DNAH14: variants seen among roughly 807,000 people sequenced by gnomAD.
DNAH14 encodes axonemal beta dynein heavy chain 14.
In DNAH14, 478 loss-of-function variants were observed where a neutral mutation model predicts 520.9. The ratio of observed to expected loss-of-function variants is 0.92; its 90% CI spans 0.85 to 0.99. DNAH14 has a LOEUF of 0.99. DNAH14 is among the 50% of genes least tolerant of loss of function. The pLI, the probability that DNAH14 is intolerant of heterozygous loss-of-function variation, is 0.00. For synonymous variants in DNAH14, 1,581 were observed against 1,757.2 expected, an observed-to-expected ratio of 0.90 and a Z score of 2.51; for missense variants, 4,831 against 5,234.5, an observed-to-expected ratio of 0.92 and a Z score of 2.38.
In DNAH14 at chr1:224,987,438, C is replaced by T. The variant is rs189101508; in HGVS notation, c.830+13285C>T. Among the ~76,000 whole-genome samples the T allele has an allele frequency of 7.6e-4, 116 of 152,244 alleles. 1 individual carries two copies. Among genetic ancestry groups the T allele is most frequent in the Middle Eastern group, 3.4e-3 (1 of 294 alleles). On this transcript the variant is annotated intron_variant, in intron 8 of 85. Transcript: ENST00000682510. ...TTTTGTATTGCTATAGCAAATACTACGGACTGGATCATTTATGGAGAAAAA... is the reference window on the plus strand; with the variant it reads ...TTTTGTATTGCTATAGCAAATACTATGGACTGGATCATTTATGGAGAAAAA...
intron 71 of DNAH14, among the ~76,000 whole-genome samples, chr1:225,351,198 G>C (rs2095361363): frequency 6.6e-6 from 1 of 152,136 alleles, no homozygotes; most frequent in Admixed American, 6.5e-5. Flanking sequence ...CTTTAGGCCA[G>C]GAGTTTGAGA....
At chr1:225,283,546 CA>C (rs1198517179) in intron 54 of DNAH14, among the ~76,000 whole-genome samples, 1 of 151,762 alleles carries the variant, frequency 6.6e-6, no homozygotes, top group Non-Finnish European at 1.5e-5. Flanking sequence ...CCAAAACCGA[CA>C]GAATTTAAGG....
At chr1:225,006,055 C>T (rs373403869) in intron 9 of DNAH14, among the ~76,000 whole-genome samples, 25 of 152,236 alleles carry the variant, frequency 1.6e-4, no homozygotes, top group African/African-American at 5.5e-4. Flanking sequence ...TTTATTAGTT[C>T]CCCAGATAAA....
intron 10 of DNAH14, among the ~76,000 whole-genome samples, chr1:225,015,720 A>T (rs2065165525): frequency 6.6e-6 from 1 of 152,258 alleles, no homozygotes; most frequent in African/African-American, 2.4e-5. Flanking sequence ...TAATCAAATG[A>T]TATAATAAGC....
intron 27 of DNAH14, among the ~76,000 whole-genome samples, chr1:225,127,690 A>G (rs559972813): frequency 7.9e-5 from 12 of 151,954 alleles, no homozygotes; most frequent in African/African-American, 2.9e-4. Flanking sequence ...TTTTAATGGG[A>G]GCGTTTAGTC....
intron 4 of DNAH14, among the ~76,000 whole-genome samples, chr1:224,963,441 A>C (rs2060967143): frequency 1.3e-5 from 2 of 152,124 alleles, no homozygotes; most frequent in Non-Finnish European, 2.9e-5. Context: ...TATAATTTAT[A>C]CTTGCATATA....
intron 55 of DNAH14, among the ~76,000 whole-genome samples, chr1:225,297,447 G>A (rs2094034682): frequency 6.6e-6 from 1 of 151,968 alleles, no homozygotes; most frequent in African/African-American, 2.4e-5. Flanking sequence ...CATGTTTGAT[G>A]TGTCCCTTCA....
At chr1:225,202,347 C>T (rs961747329) in intron 38 of DNAH14, among the ~76,000 whole-genome samples, 6 of 152,108 alleles carry the variant, frequency 3.9e-5, no homozygotes, top group African/African-American at 1.4e-4. Flanking sequence ...CTCAGACTCT[C>T]CTTGGGCGGG....
intron 8 of DNAH14, among the ~76,000 whole-genome samples, chr1:224,991,609 G>A (rs957539833): frequency 4.1e-4 from 62 of 152,098 alleles, no homozygotes; most frequent in African/African-American, 1.4e-3. Flanking sequence ...CTGAGTAGCT[G>A]GGATTACAGG....
At chr1:225,207,251 A>G (rs768939579) in intron 41 of DNAH14, 31 bp downstream of exon 41, 34 of 1,475,266 alleles carry the variant, frequency 2.3e-5, no homozygotes, top group Non-Finnish European at 2.9e-5. Flanking sequence ...CATATCAATG[A>G]TATATCTTAG....
At chr1:225,103,549 A>G (rs1392434108) in intron 23 of DNAH14, among the ~76,000 whole-genome samples, 2 of 152,014 alleles carry the variant, frequency 1.3e-5, no homozygotes, top group African/African-American at 4.8e-5. Flanking sequence ...ATTTGTTTGT[A>G]TCCTCTTTTA....
chr1:225,340,403 T>C, intron 68 of DNAH14, 54 bp from the exon 69 acceptor site: 6 of 1,463,104 alleles, frequency 4.1e-6, no homozygotes, highest in Non-Finnish European at 5.5e-6. Flanking sequence ...ATAAATTGGT[T>C]CATTTTTTTC....
intron 43 of DNAH14, among the ~76,000 whole-genome samples, chr1:225,251,255 C>T (rs2092538968): frequency 6.6e-6 from 1 of 151,832 alleles, no homozygotes; most frequent in Non-Finnish European, 1.5e-5. Context: ...CTCACTGCAG[C>T]CTCCGCCTCC....
rs2095159950 is a variant in DNAH14, at chr1:225,340,667, G to T, written c.10644G>T (p.Glu3548Asp). The T allele has an allele frequency of 6.4e-7, 1 of 1,550,908 alleles. No homozygotes were observed. Among genetic ancestry groups the T allele is most frequent in the Admixed American group, 2.0e-5 (1 of 50,942 alleles). Residue 3548 changes from glutamate (E) to aspartate (D), a missense_variant, in exon 69 of 86, where the codon GAG (glutamate) becomes GAT (aspartate). Physicochemically the swap from Glu to Asp is conservative, Grantham distance 45. Coordinates refer to ENST00000682510, the MANE Select transcript of DNAH14 (RefSeq NM_001367479.1). The part of the protein sequence containing the change: ...SLDAITLEEL[E>D]EKTLNLLQKA... ...ATGCCATAACTCTTGAAGAACTAGA[G>T]GAAAAAACATTAAATTTACTGCAGA...
At chr1:225,349,438 A>C (rs2095333605) in intron 71 of DNAH14, among the ~76,000 whole-genome samples, 1 of 152,196 alleles carries the variant, frequency 6.6e-6, no homozygotes, top group Admixed American at 6.6e-5. Context: ...AAATGGCAAT[A>C]GTAATTCCTT....
Position 225,303,927 on chromosome 1 carries a change from C to T in DNAH14, c.8823+580C>T, listed in dbSNP as rs542322862. Among the ~76,000 whole-genome samples, 10 of 152,160 alleles carry T rather than the reference C, an allele frequency of 6.6e-5. No individual in the cohort carries two copies. The South Asian group carries it at 8.3e-4, about 13-fold the overall frequency. On this transcript the variant is annotated intron_variant, in intron 57 of 85. Transcript: ENST00000682510. ...CAACGTAGGACATTTCTAGGTCCTA[C>T]GGGACCAATGGGATTGCATCCTTAC...
chr1:225,039,978 C>A (rs1414951087), intron 12 of DNAH14, among the ~76,000 whole-genome samples: 4 of 144,610 alleles, frequency 2.8e-5, no homozygotes, highest in Non-Finnish European at 4.5e-5. Context: ...TGCTCTGTCT[C>A]CCAGGCTGGA....
At chr1:225,271,788 AT>A in intron 50 of DNAH14, 117 bp from the exon 51 acceptor site, 1 of 793,150 alleles carries the variant, frequency 1.3e-6, no homozygotes. Context: ...TAATTTTAAC[AT>A]TTAATGAAAT....
At chr1:225,183,023 C>G (rs1399051523) in intron 36 of DNAH14, among the ~76,000 whole-genome samples, 1 of 151,952 alleles carries the variant, frequency 6.6e-6, no homozygotes, top group African/African-American at 2.4e-5. Context: ...GCCCATGTCA[C>G]TCTTTTCCCA....
Sources: allele counts gnomAD v4.1 joint callset (sites outside exome capture counted in the v4.1 genomes callset), GRCh38; gene constraint gnomAD v4.1.1; transcripts MANE v1.5; gene names NCBI Gene and HGNC (gene_info 2026-07-23, HGNC 2026-07-21).